Variants in DCDC1 observed in about 807,000 individuals in gnomAD.
The protein encoded by DCDC1 is doublecortin domain-containing protein 1.
In DCDC1, 200 loss-of-function variants were observed where a neutral mutation model predicts 178.3. The observed-to-expected ratio is 1.12, with a 90% CI of 1.00 to 1.26. The LOEUF (loss-of-function observed/expected upper bound fraction) is 1.26. DCDC1 is among the 50% of genes most tolerant of loss of function. The pLI, the probability that DCDC1 is intolerant of heterozygous loss-of-function variation, is 0.00. For missense variants in DCDC1, 1,983 were observed against 1,749.2 expected, an observed-to-expected ratio of 1.13 and a Z score of -2.38; for synonymous variants, 690 against 604.8, an observed-to-expected ratio of 1.14 and a Z score of -2.07.
intron 27 of DCDC1, among the ~76,000 whole-genome samples, chr11:30,914,651 A>AG: frequency 1.8e-4 from 27 of 148,744 alleles, no homozygotes; most frequent in African/African-American, 6.9e-4. Flanking sequence ...AAAAAAAAAA[A>AG]AAGAGAGAGA....
At chr11:31,200,810 G>A (rs1315655035) in intron 9 of DCDC1, among the ~76,000 whole-genome samples, 1 of 151,798 alleles carries the variant, frequency 6.6e-6, no homozygotes, top group Non-Finnish European at 1.5e-5. Context: ...CTATATTGGT[G>A]AGGTTTTGTT....
chr11:31,296,761 AAAG>A (rs1403635811), intron 6 of DCDC1, among the ~76,000 whole-genome samples: 3 of 152,182 alleles, frequency 2.0e-5, no homozygotes, highest in Admixed American at 6.5e-5. Flanking sequence ...CACAGTGTGG[AAAG>A]AAGGAGAAGT....
intron 8 of DCDC1, among the ~76,000 whole-genome samples, chr11:31,262,004 C>T: frequency 6.6e-6 from 1 of 151,520 alleles, no homozygotes; most frequent in East Asian, 1.9e-4. Flanking sequence ...GTGGATCATG[C>T]CTGTAATACC....
intron 20 of DCDC1, among the ~76,000 whole-genome samples, chr11:31,019,756 G>T (rs1952743500): frequency 6.6e-6 from 1 of 151,920 alleles, no homozygotes; most frequent in Non-Finnish European, 1.5e-5. Flanking sequence ...CAGCAGTATT[G>T]CTCTCCCTCT....
intron 9 of DCDC1, among the ~76,000 whole-genome samples, chr11:31,158,813 A>G (rs968961155): frequency 6.6e-6 from 1 of 152,188 alleles, no homozygotes; most frequent in Admixed American, 6.5e-5. Context: ...GATAAGTTTG[A>G]CTTGTAGTGA....
At chr11:31,276,909 T>C (rs918785120) in intron 7 of DCDC1, among the ~76,000 whole-genome samples, 10 of 152,178 alleles carry the variant, frequency 6.6e-5, no homozygotes, top group African/African-American at 2.4e-4. Context: ...GGAAATTTTC[T>C]TAAGAATAAT....
chr11:30,904,007 G>C (rs945339625), intron 31 of DCDC1: 13 of 175,510 alleles, frequency 7.4e-5, no homozygotes, highest in Non-Finnish European at 1.6e-4. Flanking sequence ...TTTCAAATTT[G>C]TTGCTTTATG....
chr11:31,148,683 A>T (rs188073545), intron 9 of DCDC1, among the ~76,000 whole-genome samples: 1 of 150,046 alleles, frequency 6.7e-6, no homozygotes, highest in Admixed American at 6.7e-5. Context: ...TTTCTTTTAT[A>T]CAGAGCAAGA....
In DCDC1 at chr11:31,023,206, A is replaced by G. The variant is rs2135220941; in HGVS notation, c.2591+41263T>C. On this transcript the variant is annotated intron_variant, in intron 20 of 38. Coordinates refer to ENST00000684477, the MANE Select transcript of DCDC1 (RefSeq NM_001387274.1). Reference sequence around the variant, plus strand: ...CCCCTGCCTTAGTTTATAATTATGGACAAATAAGTTATCATTAGAAATGTG... The same window carrying G: ...CCCCTGCCTTAGTTTATAATTATGGGCAAATAAGTTATCATTAGAAATGTG... 1.3e-5 allele frequency among the ~76,000 whole-genome samples: 2 copies of G among 152,256 alleles called. 1 individual carries two copies. The highest frequency in any genetic ancestry group is 4.1e-4 in the South Asian group (2 of 4,828).
intron 9 of DCDC1, among the ~76,000 whole-genome samples, chr11:31,169,189 C>T (rs1324307956): frequency 1.3e-5 from 2 of 152,090 alleles, no homozygotes; most frequent in African/African-American, 4.8e-5. Flanking sequence ...ACAATGACAA[C>T]ACATGGACAC....
chr11:31,098,084 G>C (rs939657704), intron 15 of DCDC1, among the ~76,000 whole-genome samples: 1 of 152,118 alleles, frequency 6.6e-6, no homozygotes, highest in Non-Finnish European at 1.5e-5. Flanking sequence ...GTACTGAAAG[G>C]CTAGAATTAA....
chr11:31,155,628 T>A (rs1394969892), intron 9 of DCDC1, among the ~76,000 whole-genome samples: 2 of 152,204 alleles, frequency 1.3e-5, no homozygotes, highest in East Asian at 3.9e-4. Flanking sequence ...GAGCTTAACA[T>A]CTTAGAAAGA....
At chr11:30,943,705 TTAA>T (rs1947818847) in intron 21 of DCDC1, 1 of 445,612 alleles carries the variant, frequency 2.2e-6, no homozygotes, top group African/African-American at 2.0e-5. Context: ...AAAGAATTTA[TTAA>T]TGTTGGTTTT....
chr11:31,251,638 A>G (rs903119792), intron 8 of DCDC1, among the ~76,000 whole-genome samples: 2 of 152,146 alleles, frequency 1.3e-5, no homozygotes, highest in Admixed American at 6.6e-5. Context: ...AGAGAGAGAC[A>G]CTATAAATAG....
At chr11:31,264,069 G>A (rs1944976955) in intron 8 of DCDC1, among the ~76,000 whole-genome samples, 1 of 152,080 alleles carries the variant, frequency 6.6e-6, no homozygotes, top group Non-Finnish European at 1.5e-5. Context: ...ACTTTTAATA[G>A]TATAACAGTG....
chr11:31,285,148 T>C (rs1041620965), intron 7 of DCDC1, among the ~76,000 whole-genome samples: 3 of 152,026 alleles, frequency 2.0e-5, no homozygotes, highest in African/African-American at 4.8e-5. Context: ...AACTCAATTA[T>C]ATATAGAAAT....
At chr11:31,208,652 G>T (rs1309068260) in intron 9 of DCDC1, among the ~76,000 whole-genome samples, 1 of 152,094 alleles carries the variant, frequency 6.6e-6, no homozygotes, top group East Asian at 1.9e-4. Flanking sequence ...AGCTCTCTAT[G>T]ATCTGCATGT....
chr11:31,152,922 C>T (rs1020482435), intron 9 of DCDC1, among the ~76,000 whole-genome samples: 1 of 152,210 alleles, frequency 6.6e-6, no homozygotes, highest in African/African-American at 2.4e-5. Flanking sequence ...TGTGTGGGAA[C>T]TGAGAGAAAG....
chr11:31,184,110 C>T (rs928289552), intron 9 of DCDC1, among the ~76,000 whole-genome samples: 3 of 152,132 alleles, frequency 2.0e-5, no homozygotes, highest in African/African-American at 7.2e-5. Context: ...TGGAACAGAA[C>T]AGATGCCTCA....
Sources: allele counts gnomAD v4.1 joint callset (sites outside exome capture counted in the v4.1 genomes callset), GRCh38; gene constraint gnomAD v4.1.1; transcripts MANE v1.5; gene names NCBI Gene and HGNC (gene_info 2026-07-23, HGNC 2026-07-21).